Variants in HTR2C observed in about 807,000 individuals in gnomAD.
HTR2C encodes the protein 5-hydroxytryptamine receptor 2C.
HTR2C carries 5 observed loss-of-function variants against 21.0 expected under a neutral mutation model. That is an observed-to-expected ratio of 0.24 (90% CI 0.12 to 0.50). HTR2C has a LOEUF of 0.50. Ranked by LOEUF, HTR2C falls within the 20% of genes least tolerant of loss-of-function variation. The pLI is 0.98. For synonymous variants in HTR2C, 150 were observed against 145.3 expected (o/e 1.03, Z -0.23); for missense variants, 271 against 371.2 (o/e 0.73, Z 2.22).
intron 4 of HTR2C, among the ~76,000 whole-genome samples, chrX:114,746,698 AAGAG>A (rs1451692401): frequency 1.8e-5 from 2 of 110,843 alleles, no homozygotes; most frequent in Non-Finnish European, 3.8e-5. Context: ...TAAAAAAAAA[AAGAG>A]AGGCCGGGCA....
At position 114,907,268 on chromosome X, in the gene HTR2C, G is replaced by T. The variant is rs200550483; in HGVS notation, c.1230G>T (p.Glu410Asp). The T allele has an allele frequency of 8.3e-7, 1 of 1,211,324 alleles. No homozygotes were observed. The highest frequency in any genetic ancestry group is 1.1e-6 in the Non-Finnish European group (1 of 895,220). The change falls in exon 6 of 6, where the codon GAG (glutamate) becomes GAT (aspartate). Residue 410 changes from glutamate (E) to aspartate (D), a missense_variant. Physicochemically the swap from Glu to Asp is conservative, Grantham distance 45. Around this residue, in one of 5 missense-constraint regions of HTR2C, gnomAD observed 192 missense variants for 247.2 expected, o/e 0.78. Transcript: ENST00000276198. The part of the protein sequence containing the change: ...RVAATALSGR[E>D]LNVNIYRHTN... ...CCGCCACTGCTTTGTCTGGGAGGGA[G>T]CTTAATGTTAACATTTATCGGCATA...
chrX:114,650,999 A>G (rs59819080), intron 2 of HTR2C, among the ~76,000 whole-genome samples: 8,342 of 111,505 alleles, frequency 0.075, 736 homozygotes, highest in African/African-American at 0.25. Flanking sequence ...ATATTTGCTC[A>G]CTTCTTGCAG....
At chrX:114,900,649 T>C (rs1054936423) in intron 5 of HTR2C, 1 of 111,892 alleles carries the variant, frequency 8.9e-6, no homozygotes, top group Admixed American at 9.5e-5. Context: ...AAATAACCCA[T>C]GGAAACAGAT....
At chrX:114,724,644 T>C (rs1485546581) in intron 2 of HTR2C, among the ~76,000 whole-genome samples, 3 of 100,577 alleles carry the variant, frequency 3.0e-5, no homozygotes, top group South Asian at 5.4e-4. Context: ...GATTTTGCAA[T>C]GGCTGGTACC....
At chrX:114,623,068 A>G (rs1187862380) in intron 2 of HTR2C, among the ~76,000 whole-genome samples, 3 of 112,001 alleles carry the variant, frequency 2.7e-5, no homozygotes, top group African/African-American at 9.7e-5. Flanking sequence ...AACAAGAGAG[A>G]TATTAAATAT....
At chrX:114,780,267 T>C (rs2070104251) in intron 4 of HTR2C, among the ~76,000 whole-genome samples, 1 of 111,326 alleles carries the variant, frequency 9.0e-6, no homozygotes, top group Non-Finnish European at 1.9e-5. Flanking sequence ...TGTATGTATA[T>C]ACACTCACAC....
At chrX:114,831,084 A>G (rs1204389211) in intron 4 of HTR2C, among the ~76,000 whole-genome samples, 1 of 80,296 alleles carries the variant, frequency 1.2e-5, no homozygotes, top group African/African-American at 4.3e-5. Flanking sequence ...CATTTTCTTA[A>G]TCCAGTCTAT....
chrX:114,884,304 G>A (rs1324278621), intron 5 of HTR2C, among the ~76,000 whole-genome samples: 2 of 110,741 alleles, frequency 1.8e-5, no homozygotes, highest in Admixed American at 9.7e-5. Flanking sequence ...TAGTAGGATT[G>A]CTGGATTATA....
At chrX:114,834,808 C>G (rs1210959711) in intron 4 of HTR2C, among the ~76,000 whole-genome samples, 1 of 108,595 alleles carries the variant, frequency 9.2e-6, no homozygotes, top group Non-Finnish European at 1.9e-5. Flanking sequence ...TCTCGATGGT[C>G]TTTACATTTT....
intron 2 of HTR2C, among the ~76,000 whole-genome samples, chrX:114,644,641 A>G (rs1300286380): frequency 1.9e-5 from 2 of 107,394 alleles, no homozygotes; most frequent in Non-Finnish European, 3.8e-5. Flanking sequence ...TCACCTACTT[A>G]TGGGATCTGA....
At chrX:114,699,918 T>C (rs1932406604) in intron 2 of HTR2C, among the ~76,000 whole-genome samples, 1 of 111,143 alleles carries the variant, frequency 9.0e-6, no homozygotes, top group African/African-American at 3.3e-5. Flanking sequence ...ACATCAAAAG[T>C]TGCTACCACA....
intron 5 of HTR2C, among the ~76,000 whole-genome samples, chrX:114,890,407 A>G (rs1332628696): frequency 1.8e-5 from 2 of 112,065 alleles, no homozygotes; most frequent in Non-Finnish European, 3.8e-5. Context: ...TTTACCTTGT[A>G]TTATACTTAA....
chrX:114,774,963 G>A (rs1368609518), intron 4 of HTR2C: 2 of 516,461 alleles, frequency 3.9e-6, no homozygotes, highest in Non-Finnish European at 7.1e-6. Context: ...TGAGATTGCA[G>A]ACTTTCTCCA....
chrX:114,711,181 T>A (rs1182001678), intron 2 of HTR2C, among the ~76,000 whole-genome samples: 6 of 111,800 alleles, frequency 5.4e-5, no homozygotes, highest in Non-Finnish European at 9.4e-5. Flanking sequence ...ACCAAAATAT[T>A]TTAGTAATTT....
chrX:114,590,946 T>C (rs1927603115), intron 1 of HTR2C, among the ~76,000 whole-genome samples: 1 of 112,153 alleles, frequency 8.9e-6, no homozygotes, highest in Non-Finnish European at 1.9e-5. Context: ...GTTTTCTTTT[T>C]AAAATAGCAA....
chrX:114,748,332 A>C (rs1201835622), intron 4 of HTR2C, among the ~76,000 whole-genome samples: 1 of 112,080 alleles, frequency 8.9e-6, no homozygotes, highest in African/African-American at 3.2e-5. Flanking sequence ...TTAAGATGTC[A>C]GTTTGCCCCC....
intron 2 of HTR2C, among the ~76,000 whole-genome samples, chrX:114,636,133 G>T (rs781816122): frequency 1.0e-5 from 1 of 98,799 alleles, no homozygotes; most frequent in South Asian, 5.2e-4. Flanking sequence ...CTACCTCCCC[G>T]ATCTAAAGAA....
chrX:114,749,636 G>A (rs1556427372), intron 4 of HTR2C, among the ~76,000 whole-genome samples: 1 of 109,057 alleles, frequency 9.2e-6, no homozygotes, highest in African/African-American at 3.3e-5. Flanking sequence ...ATCTAAGTGG[G>A]GATCTAAAAG....
At chrX:114,726,439 C>A (rs1305521408) in intron 2 of HTR2C, among the ~76,000 whole-genome samples, 1 of 112,194 alleles carries the variant, frequency 8.9e-6, no homozygotes. Flanking sequence ...GAGATGAAGC[C>A]GGTATCTCAG....
Sources: allele counts gnomAD v4.1 joint callset (sites outside exome capture counted in the v4.1 genomes callset), GRCh38; gene constraint gnomAD v4.1.1; regional missense constraint gnomAD v4.1.1; transcripts MANE v1.5; gene names NCBI Gene and HGNC (gene_info 2026-07-23, HGNC 2026-07-21).